Variants in ACVR2A observed in about 807,000 individuals in gnomAD.
The protein encoded by ACVR2A is activin A receptor type 2A, also known as activin receptor type-2A.
Under a neutral mutation model 61.4 loss-of-function variants are expected in ACVR2A, and 7 were observed. The ratio of observed to expected loss-of-function variants is 0.11; its 90% CI spans 0.06 to 0.21. The LOEUF is 0.21. Ranked by LOEUF, ACVR2A falls within the 10% of genes least tolerant of loss-of-function variation. The pLI is 1.00. For missense variants in ACVR2A, 322 were observed against 621.7 expected (o/e 0.52, Z 5.13); for synonymous variants, 193 against 208.3 (o/e 0.93, Z 0.63).
At chr2:147,845,549 T>G (rs1218202049) in intron 1 of ACVR2A, among the ~76,000 whole-genome samples, 3 of 152,220 alleles carry the variant, frequency 2.0e-5, no homozygotes, top group Admixed American at 2.0e-4. Flanking sequence ...TGACAATTTA[T>G]GCAAAGGTTG....
chr2:147,883,048 A>G (rs963421768), intron 1 of ACVR2A, among the ~76,000 whole-genome samples: 1 of 152,252 alleles, frequency 6.6e-6, no homozygotes, highest in Non-Finnish European at 1.5e-5. Context: ...TAACTTTTGA[A>G]CAGTGTTACC....
intron 1 of ACVR2A, among the ~76,000 whole-genome samples, chr2:147,845,431 A>G (rs183488820): frequency 1.3e-4 from 18 of 143,944 alleles, no homozygotes; most frequent in Admixed American, 1.5e-4. Flanking sequence ...CGGCGAGCTG[A>G]TAAGAGTGAG....
Position 147,920,222 on chromosome 2 carries a change from T to C in ACVR2A, c.963-8T>C, listed in dbSNP as rs376751852. 360 of 1,596,792 alleles carry C rather than the reference T, an allele frequency of 2.3e-4. No homozygotes were observed. Among genetic ancestry groups the C allele is most frequent in the Non-Finnish European group, 3.0e-4 (352 of 1,166,952 alleles). The stretch of plus-strand genomic sequence containing the variant: ...AAACTTAATTTGAATACTCTTTTTA[T>C]TTGCAAGGGACATCAAAAGTAAAAA... On this transcript the variant is annotated splice_polypyrimidine_tract_variant and splice_region_variant and intron_variant, in intron 7 of 10. Transcript: ENST00000241416.
chr2:147,924,694 C>G, intron 9 of ACVR2A, among the ~76,000 whole-genome samples: 2 of 151,988 alleles, frequency 1.3e-5, no homozygotes, highest in Middle Eastern at 3.4e-3. Flanking sequence ...GGTGCTTTCA[C>G]GTGTGTTGAT....
chr2:147,859,678 T>G (rs556002121), intron 1 of ACVR2A, among the ~76,000 whole-genome samples: 19 of 152,146 alleles, frequency 1.2e-4, no homozygotes, highest in South Asian at 4.2e-4. Flanking sequence ...TCCTGAGTTT[T>G]TTTGTTTGTT....
chr2:147,874,328 A>G (rs539980921), intron 1 of ACVR2A, among the ~76,000 whole-genome samples: 3 of 152,034 alleles, frequency 2.0e-5, no homozygotes, highest in South Asian at 2.1e-4. Flanking sequence ...ATGAGATTAT[A>G]TATGTAGCAA....
chr2:147,927,409 TGTTG>T lies in ACVR2A; in HGVS notation c.*136_*139del. ...GGAAATGTTAAGAAAGAAGACCCTT[TGTTG>T]AAAAATGTTGCTCTGGGAGACTTAC... On this transcript the variant is annotated 3_prime_UTR_variant, in exon 11 of 11. Transcript: ENST00000241416. 1 of 830,428 alleles carries T rather than the reference TGTTG, an allele frequency of 1.2e-6. No homozygotes were observed. 51.4% of individuals were successfully genotyped at this position (830,428 alleles called of 1,614,324 possible).
chr2:147,921,437 A>G (rs1687379863), intron 8 of ACVR2A, among the ~76,000 whole-genome samples: 1 of 152,130 alleles, frequency 6.6e-6, no homozygotes, highest in African/African-American at 2.4e-5. Context: ...TTCATCTTTC[A>G]TATCATGTAA....
chr2:147,925,071 T>C (rs913044176), intron 9 of ACVR2A, among the ~76,000 whole-genome samples: 2 of 152,068 alleles, frequency 1.3e-5, no homozygotes, highest in Non-Finnish European at 2.9e-5. Context: ...TTTGTGTTTA[T>C]GCACACATAC....
At chr2:147,926,930 T>C (rs1687514332) in intron 10 of ACVR2A, 150 bp from the exon 11 acceptor site, 1 of 709,638 alleles carries the variant, frequency 1.4e-6, no homozygotes, top group Non-Finnish European at 2.2e-6. Context: ...CTTTTCTTTA[T>C]GATTCTGCAC....
intron 9 of ACVR2A, among the ~76,000 whole-genome samples, 165 bp downstream of exon 9, chr2:147,923,276 G>A (rs10180655): frequency 6.6e-6 from 1 of 151,642 alleles, no homozygotes; most frequent in African/African-American, 2.4e-5. Flanking sequence ...TGGGGTAGGA[G>A]AGGAAAGGAA....
intron 1 of ACVR2A, 134 bp from the exon 2 acceptor site, chr2:147,896,167 C>A: frequency 1.4e-6 from 1 of 730,310 alleles, no homozygotes; most frequent in Non-Finnish European, 2.2e-6. Context: ...AACCTGGAAA[C>A]CTAAACCCAA....
intron 1 of ACVR2A, among the ~76,000 whole-genome samples, chr2:147,883,355 T>C (rs901743966): frequency 1.3e-4 from 20 of 152,170 alleles, no homozygotes; most frequent in Non-Finnish European, 1.9e-4. Flanking sequence ...CACACCCAGC[T>C]AATTTTTGTA....
At chr2:147,911,926 CAG>C (rs753238399) in intron 4 of ACVR2A, among the ~76,000 whole-genome samples, 12 of 151,974 alleles carry the variant, frequency 7.9e-5, no homozygotes, top group Non-Finnish European at 1.2e-4. Context: ...TCATTTTTAA[CAG>C]GGGTCGATTT....
intron 6 of ACVR2A, 53 bp downstream of exon 6, chr2:147,917,479 T>G (rs1276359734): frequency 6.4e-7 from 1 of 1,573,818 alleles, no homozygotes; most frequent in Non-Finnish European, 8.7e-7. Context: ...CCTGCCTACC[T>G]AATGCTGGCT....
At chr2:147,883,469 G>A (rs970648287) in intron 1 of ACVR2A, among the ~76,000 whole-genome samples, 1 of 152,144 alleles carries the variant, frequency 6.6e-6, no homozygotes, top group East Asian at 1.9e-4. Flanking sequence ...GGGATTACAG[G>A]CATGAGCCAC....
Position 147,845,123 on chromosome 2 carries a change from T to A in ACVR2A, c.-30T>A. On this transcript the variant is annotated 5_prime_UTR_variant, in exon 1 of 11. Transcript: ENST00000241416. ...AGGGAACTGGATATCTAGCGAGAAC[T>A]TCCTCCGGATTCCCCGGCGCCTCGG... The A allele has an allele frequency of 6.3e-7, 1 of 1,590,520 alleles. No individual in the cohort carries two copies. The highest frequency in any genetic ancestry group is 1.1e-5 in the South Asian group (1 of 90,628).
rs138937058 is a variant in ACVR2A at position 147,903,587 on chromosome 2, T to C, written c.528+3689T>C. Among the ~76,000 whole-genome samples the C allele has an allele frequency of 3.7e-4, 56 of 152,064 alleles. No individual in the cohort carries two copies. The East Asian group carries it at 0.011, about 29-fold the overall frequency. On this transcript the variant is annotated intron_variant, in intron 4 of 10. Coordinates refer to ENST00000241416, the MANE Select transcript of ACVR2A (RefSeq NM_001616.5). ...GCTCTCAGTGAGCCACAGCAAAGAA[T>C]ACAAAGTTGGAGCATGACATGTGGT...
rs570489047 is a variant in ACVR2A, at chr2:147,855,612, T to C, written c.55+10405T>C. On this transcript the variant is annotated intron_variant, in intron 1 of 10. Coordinates refer to ENST00000241416, the MANE Select transcript of ACVR2A (RefSeq NM_001616.5). ...CTTTGAACATTCTCTGATTGTATTG[T>C]AAAGCTTGCCTACACTTATCAGTCT... Among the ~76,000 whole-genome samples the C allele has an allele frequency of 2.0e-5, 3 of 152,282 alleles. No homozygotes were observed. The East Asian group carries it at 5.8e-4, about 29-fold the overall frequency.
Sources: gnomAD v4.1 joint callset for allele counts (sites outside exome capture counted in the v4.1 genomes callset) on GRCh38, gnomAD v4.1.1 for gene constraint, MANE v1.5 for transcripts, NCBI Gene and HGNC (gene_info 2026-07-23, HGNC 2026-07-21) for gene names.